The following MAST4 variants were observed in gnomAD, a reference collection of about 807,000 sequenced individuals.
MAST4 encodes microtubule associated serine/threonine kinase family member 4.
MAST4 carries 89 observed loss-of-function variants against 162.7 expected under a neutral mutation model. That is an observed-to-expected ratio of 0.55 (90% CI 0.46 to 0.65). The LOEUF (loss-of-function observed/expected upper bound fraction) is 0.65. Ranked by LOEUF, MAST4 falls within the 30% of genes least tolerant of loss-of-function variation. The probability of loss-of-function intolerance (pLI) is 0.00; values close to 1 mark genes in which losing one functional copy is unlikely to be tolerated. For synonymous variants in MAST4, 1,479 were observed against 1,361.1 expected (o/e 1.09, Z -1.91); for missense variants, 3,153 against 3,374.0 (o/e 0.93, Z 1.62).
At position 66,743,336 on chromosome 5, in the gene MAST4, G is replaced by A. The variant is rs187325438; in HGVS notation, c.364-16373G>A. Among the ~76,000 whole-genome samples the A allele has an allele frequency of 8.1e-3, 1,237 of 152,226 alleles. 6 individuals carry two copies. The highest frequency in any genetic ancestry group is 0.014 in the Admixed American group (210 of 15,300). The stretch of plus-strand genomic sequence containing the variant: ...GAGGTTGGCAGGTTAGACCTGGCTC[G>A]TCTCTTGGGGACTGGGAATCCAGGT... On this transcript the variant is annotated intron_variant, in intron 1 of 28. Coordinates refer to ENST00000403625, the MANE Select transcript of MAST4 (RefSeq NM_001164664.2).
intron 3 of MAST4, among the ~76,000 whole-genome samples, chr5:66,831,690 T>C (rs1393260248): frequency 6.6e-6 from 1 of 152,218 alleles, no homozygotes; most frequent in Non-Finnish European, 1.5e-5. Flanking sequence ...TTCTATGGAC[T>C]GTATTCATAT....
chr5:66,788,957 C>A (rs1391996998), intron 3 of MAST4, among the ~76,000 whole-genome samples, 163 bp downstream of exon 3: 2 of 152,236 alleles, frequency 1.3e-5, no homozygotes, highest in Non-Finnish European at 2.9e-5. Flanking sequence ...AATTTCTGCA[C>A]CTGTACCCAG....
At chr5:66,661,086 G>A (rs1302161643) in intron 1 of MAST4, among the ~76,000 whole-genome samples, 3 of 152,122 alleles carry the variant, frequency 2.0e-5, no homozygotes, top group Non-Finnish European at 1.5e-5. Context: ...GGCATCCCTA[G>A]TGTCTATATC....
At chr5:66,656,606 AACTCTGATAT>A (rs1746567717) in intron 1 of MAST4, among the ~76,000 whole-genome samples, 1 of 152,162 alleles carries the variant, frequency 6.6e-6, no homozygotes, top group Admixed American at 6.6e-5. Flanking sequence ...CGATTAAAAA[AACTCTGATAT>A]CCTCTCTTGA....
chr5:66,783,623 G>T (rs1028757506), intron 2 of MAST4, among the ~76,000 whole-genome samples: 1 of 152,160 alleles, frequency 6.6e-6, no homozygotes, highest in Admixed American at 6.5e-5. Context: ...GGTAACAAAG[G>T]AATTGAGGGC....
intron 4 of MAST4, among the ~76,000 whole-genome samples, chr5:66,970,416 C>G (rs1262616418): frequency 6.6e-6 from 1 of 152,148 alleles, no homozygotes; most frequent in Non-Finnish European, 1.5e-5. Flanking sequence ...AGCTCATCTT[C>G]TATAAACTTG....
Position 66,736,382 on chromosome 5 carries a change from GACAC to G in MAST4, c.364-23309_364-23306del, listed in dbSNP as rs34859042. Among the ~76,000 whole-genome samples the G allele has an allele frequency of 8.1e-3, 1,166 of 144,168 alleles. 19 individuals carry two copies. Among genetic ancestry groups the G allele is most frequent in the African/African-American group, 0.027 (1,068 of 39,112 alleles). 94.6% of individuals were successfully genotyped at this position (144,168 alleles called of 152,430 possible). A position where few individuals can be genotyped will look rare whatever the true frequency, so the allele number is the denominator to read the frequency against. On this transcript the variant is annotated intron_variant, in intron 1 of 28. Coordinates refer to ENST00000403625, the MANE Select transcript of MAST4 (RefSeq NM_001164664.2). Reference sequence around the variant, plus strand: ...CCTTATATGTGCCTCTTAGCCTGCTGACACACACACACACACACACAACTGGAGC... The same window carrying G: ...CCTTATATGTGCCTCTTAGCCTGCTGACACACACACACACACAACTGGAGC...
chr5:67,058,473 A>G (rs1252211949), intron 5 of MAST4, among the ~76,000 whole-genome samples: 1 of 152,198 alleles, frequency 6.6e-6, no homozygotes, highest in Non-Finnish European at 1.5e-5. Context: ...TAAGTATAGC[A>G]TGGCTTTTGT....
At position 66,789,988 on chromosome 5, in the gene MAST4, A is replaced by ATTTTTTTTTTTTTTTT. The variant is rs57743987; in HGVS notation, c.642+1209_642+1224dup. On this transcript the variant is annotated intron_variant, in intron 3 of 28. Transcript: ENST00000403625. Reference sequence around the variant, plus strand: ...CTTTATGTTTAACATGCTTATTAGAATTTTTTTTTTTTTTTTTTTTTTTTT... The same window carrying ATTTTTTTTTTTTTTTT: ...CTTTATGTTTAACATGCTTATTAGAATTTTTTTTTTTTTTTTTTTTTTTTTTTTTTTTTTTTTTTTT... Among the ~76,000 whole-genome samples the ATTTTTTTTTTTTTTTT allele has an allele frequency of 3.6e-4, 19 of 52,472 alleles. 3 individuals are homozygous for ATTTTTTTTTTTTTTTT. The highest frequency in any genetic ancestry group is 1.1e-3 in the African/African-American group (10 of 8,748). The allele number at this position is 52,472 out of a possible 152,430, so 34.4% of individuals were successfully genotyped here. A position where few individuals can be genotyped will look rare whatever the true frequency, so the allele number is the denominator to read the frequency against.
intron 2 of MAST4, among the ~76,000 whole-genome samples, chr5:66,776,600 TA>T: frequency 6.6e-6 from 1 of 152,322 alleles, no homozygotes; most frequent in East Asian, 1.9e-4. Flanking sequence ...GAGCCAAACT[TA>T]AATATTCTTC....
chr5:67,125,811 C>A (rs1768157317), intron 14 of MAST4, among the ~76,000 whole-genome samples: 1 of 152,128 alleles, frequency 6.6e-6, no homozygotes, highest in Non-Finnish European at 1.5e-5. Flanking sequence ...AGTTCTAGAT[C>A]CTTGAGGAAT....
intron 4 of MAST4, among the ~76,000 whole-genome samples, chr5:67,053,619 G>A (rs965497469): frequency 7.9e-5 from 12 of 152,318 alleles, no homozygotes; most frequent in Non-Finnish European, 1.6e-4. Context: ...CCATCCGCCA[G>A]TTTTGTATTT....
intron 2 of MAST4, among the ~76,000 whole-genome samples, chr5:66,774,955 T>G (rs557139658): frequency 1.3e-5 from 2 of 152,008 alleles, no homozygotes; most frequent in Non-Finnish European, 2.9e-5. Flanking sequence ...GGCAAGTGTT[T>G]AGAGGCATTA....
At chr5:66,663,787 G>A (rs572941472) in intron 1 of MAST4, among the ~76,000 whole-genome samples, 2 of 152,278 alleles carry the variant, frequency 1.3e-5, no homozygotes, top group Admixed American at 1.3e-4. Flanking sequence ...GTCAGTGGAA[G>A]GTTTTGAGCA....
At chr5:66,759,664 G>C in intron 1 of MAST4, 45 bp from the exon 2 acceptor site, 1 of 1,606,364 alleles carries the variant, frequency 6.2e-7, no homozygotes, top group Non-Finnish European at 8.5e-7. Context: ...ATTCTAGGCT[G>C]TGTTGATGCC....
intron 26 of MAST4, among the ~76,000 whole-genome samples, chr5:67,158,036 T>A (rs781268917): frequency 6.6e-6 from 1 of 152,146 alleles, no homozygotes; most frequent in Non-Finnish European, 1.5e-5. Flanking sequence ...ACTCTCTGCA[T>A]ATGGAAGAGG....
At chr5:66,825,780 G>A (rs1272047497) in intron 3 of MAST4, among the ~76,000 whole-genome samples, 1 of 152,008 alleles carries the variant, frequency 6.6e-6, no homozygotes, top group Non-Finnish European at 1.5e-5. Context: ...ATGAAATACT[G>A]CAAAGCCCCT....
At chr5:66,640,059 A>G (rs987834018) in intron 1 of MAST4, among the ~76,000 whole-genome samples, 4 of 152,120 alleles carry the variant, frequency 2.6e-5, no homozygotes, top group Admixed American at 1.3e-4. Context: ...CAAAACTGCA[A>G]CTTTGTATCC....
At chr5:66,624,468 A>G (rs906478979) in intron 1 of MAST4, among the ~76,000 whole-genome samples, 3 of 152,026 alleles carry the variant, frequency 2.0e-5, no homozygotes, top group Non-Finnish European at 2.9e-5. Context: ...AAATGTTTAT[A>G]CTATGCCAAA....
Sources: gnomAD v4.1 joint callset for allele counts (sites outside exome capture counted in the v4.1 genomes callset) on GRCh38, gnomAD v4.1.1 for gene constraint, MANE v1.5 for transcripts, NCBI Gene and HGNC (gene_info 2026-07-23, HGNC 2026-07-21) for gene names.